AKR7A2: variants seen among roughly 807,000 people sequenced by gnomAD.
AKR7A2 encodes the protein aflatoxin B1 aldehyde reductase member 2.
Under a neutral mutation model 37.3 loss-of-function variants are expected in AKR7A2, and 29 were observed. That is an observed-to-expected ratio of 0.78 (90% CI 0.58 to 1.06). The LOEUF is 1.06. AKR7A2 is among the 50% of genes least tolerant of loss of function. The pLI is 0.00. For missense variants in AKR7A2, 529 were observed against 497.9 expected (o/e 1.06, Z -0.59); for synonymous variants, 228 against 217.8 (o/e 1.05, Z -0.41).
Position 19,311,918 on chromosome 1 carries a change from G to A in AKR7A2, c.207C>T (p.Thr69=), listed in dbSNP as rs778586806. The part of the protein sequence containing the change: ...AVRAFLERGH[T]ELDTAFMYSD... ...TGTACATGAAGGCCGTGTCCAGTTC[G>A]GTGTGGCCGCGCTCCAGAAAGGCGC... The change falls in exon 1 of 7, where the codon ACC becomes ACT. Residue 69 remains threonine, a synonymous_variant. Coordinates refer to ENST00000235835, the MANE Select transcript of AKR7A2 (RefSeq NM_003689.4). The A allele has an allele frequency of 3.7e-6, 6 of 1,609,296 alleles. No individual in the cohort carries two copies. The highest frequency in any genetic ancestry group is 2.7e-5 in the African/African-American group (2 of 74,846).
chr1:19,311,698 G>A, intron 1 of AKR7A2, 129 bp downstream of exon 1: 1 of 1,181,030 alleles, frequency 8.5e-7, no homozygotes, highest in Non-Finnish European at 1.2e-6. Flanking sequence ...CTGCGGGGTG[G>A]ACCTGGGGTG....
At chr1:19,305,882 G>T in intron 6 of AKR7A2, 136 bp downstream of exon 6, 1 of 1,418,386 alleles carries the variant, frequency 7.1e-7, no homozygotes, top group East Asian at 2.3e-5. Flanking sequence ...AAAGACCAGT[G>T]GGAAGAGTGC....
intron 6 of AKR7A2, among the ~76,000 whole-genome samples, chr1:19,305,506 T>C (rs149463571): frequency 1.4e-4 from 22 of 152,278 alleles, no homozygotes; most frequent in Non-Finnish European, 2.5e-4. Context: ...ACCTGGCTAA[T>C]GTTTTTGATT....
downstream of AKR7A2, chr1:19,303,860 A>G (rs576353392): frequency 4.6e-4 from 160 of 348,190 alleles, no homozygotes; most frequent in African/African-American, 3.2e-3. Context: ...TGCTTCTGTG[A>G]CCCTCCTACT....
rs2231203 is a variant in AKR7A2, at chr1:19,307,026, C to G, written c.764G>C (p.Ser255Thr). 6.2e-7 allele frequency: 1 copy of G among 1,614,196 alleles called. No homozygotes were observed. Among genetic ancestry groups the G allele is most frequent in the Non-Finnish European group, 8.5e-7 (1 of 1,180,034 alleles). ...KQPVGRFFGN[S>T]WAETYRNRFW... ...CCGATTCCTGTAGGTCTCAGCCCAG[C>G]TATTCCCAAAGAAGCGGCCCACAGG... is the stretch of plus-strand genomic sequence containing the variant. The change falls in exon 5 of 7, where the codon AGC (serine) becomes ACC (threonine). Residue 255 changes from serine to threonine, a missense_variant. Physicochemically the swap from Ser to Thr is moderately conservative, Grantham distance 58. Coordinates refer to ENST00000235835, the MANE Select transcript of AKR7A2 (RefSeq NM_003689.4).
At position 19,304,066 on chromosome 1, in the gene AKR7A2, TA is replaced by T; in HGVS notation, c.*158del. 1.6e-6 allele frequency: 2 copies of T among 1,227,762 alleles called. No individual in the cohort carries two copies. The highest frequency in any genetic ancestry group is 2.3e-6 in the Non-Finnish European group (2 of 853,580). The allele number at this position is 1,227,762 out of a possible 1,614,324, so 76.1% of individuals were successfully genotyped here. On this transcript the variant is annotated 3_prime_UTR_variant, in exon 7 of 7. Transcript: ENST00000235835. The stretch of plus-strand genomic sequence containing the variant: ...GACTCACCCCCCACCTTTCACAGTG[TA>T]AAGTGAATAGGGAGCAAGGCAGGAA...
In AKR7A2 at chr1:19,307,471, C is replaced by G. The variant is rs914972388; in HGVS notation, c.592-61G>C. 26 of 1,574,440 alleles carry G rather than the reference C, an allele frequency of 1.7e-5. No individual in the cohort carries two copies. The African/African-American group carries it at 3.4e-4, about 20-fold the overall frequency. ...TGTCAAGAGAAGGAACTGTTGCCTT[C>G]CACTTTCAAACCTCTAAAGCAACAC... On this transcript the variant is annotated intron_variant, in intron 3 of 6. Coordinates refer to ENST00000235835, the MANE Select transcript of AKR7A2 (RefSeq NM_003689.4).
chr1:19,307,002 C>G lies in AKR7A2; in HGVS notation c.788G>C (p.Arg263Pro), dbSNP rs145694835. The change falls in exon 5 of 7, where the codon CGC becomes CCC. Residue 263 changes from arginine to proline, a missense_variant and splice_region_variant. By Grantham distance (103) the Arg-to-Pro change is moderately radical (BLOSUM62 -2). Transcript: ENST00000235835. ...GNSWAETYRN[R>P]FWKEHHFEAI... ...CTCACCAAGCCCACCCCCGGCTCAC[C>G]GATTCCTGTAGGTCTCAGCCCAGCT... 23 of 1,613,992 alleles carry G rather than the reference C, an allele frequency of 1.4e-5. No homozygotes were observed. Among genetic ancestry groups the G allele is most frequent in the African/African-American group, 4.0e-5 (3 of 74,916 alleles).
intron 1 of AKR7A2, among the ~76,000 whole-genome samples, chr1:19,310,968 C>T (rs140322824): frequency 1.4e-4 from 21 of 152,350 alleles, no homozygotes; most frequent in Middle Eastern, 3.4e-3. Flanking sequence ...ATCCTCCACT[C>T]AAGCCCCACC....
rs1054020533 is a variant in AKR7A2, at chr1:19,308,260, G to T, written c.489C>A (p.Gly163=). The part of the protein sequence containing the change: ...LHACQRLHQE[G]KFVELGLSNY... ...TGGAGAGGCCAAGCTCCACGAACTTGCCCTGCATGGGTGAGGCTCCAGTCA... is the reference window on the plus strand; with the variant it reads ...TGGAGAGGCCAAGCTCCACGAACTTTCCCTGCATGGGTGAGGCTCCAGTCA... Residue 163 remains glycine, a splice_region_variant and synonymous_variant, in exon 3 of 7, where the codon GGC becomes GGA. Transcript: ENST00000235835. 8 of 1,614,086 alleles carry T rather than the reference G, an allele frequency of 5.0e-6. No homozygotes were observed. The highest frequency in any genetic ancestry group is 1.3e-5 in the African/African-American group (1 of 74,928).
At position 19,308,643 on chromosome 1, in the gene AKR7A2, C is replaced by G; in HGVS notation, c.299-1G>C. ...GGGTTGGCCTTGGTGGCAATTTTCA[C>G]TTGGAGAGAGAATGGAATGGTTAAG... On this transcript the variant is annotated splice_acceptor_variant, in intron 1 of 6. Coordinates refer to ENST00000235835, the MANE Select transcript of AKR7A2 (RefSeq NM_003689.4). LOFTEE classifies it high-confidence loss of function. 1 of 1,614,046 alleles carries G rather than the reference C, an allele frequency of 6.2e-7. No individual in the cohort carries two copies. The highest frequency in any genetic ancestry group is 8.5e-7 in the Non-Finnish European group (1 of 1,179,982).
downstream of AKR7A2, chr1:19,303,916 A>C: frequency 2.4e-6 from 1 of 412,748 alleles, no homozygotes; most frequent in South Asian, 2.1e-5. Context: ...GCCCTTTCTC[A>C]GTCCCCAGGT....
rs371982601 is a variant in AKR7A2 at position 19,307,369 on chromosome 1, G to C, written c.633C>G (p.Leu211=). 1.7e-5 allele frequency: 27 copies of C among 1,614,080 alleles called. No individual in the cohort carries two copies. The highest frequency in any genetic ancestry group is 2.2e-5 in the Non-Finnish European group (26 of 1,179,960). Residue 211 remains leucine (L), a synonymous_variant, in exon 4 of 7, where the codon CTC becomes CTG. Coordinates refer to ENST00000235835, the MANE Select transcript of AKR7A2 (RefSeq NM_003689.4). ...GTCCAAAGTGCCTGAGGCAGGGGAAGAGCTCCGTTTCCACCTGCCGGGTGG... is the reference window on the plus strand; with the variant it reads ...GTCCAAAGTGCCTGAGGCAGGGGAACAGCTCCGTTTCCACCTGCCGGGTGG... ...NATTRQVETE[L]FPCLRHFGLR...
At position 19,308,487 on chromosome 1, in the gene AKR7A2, T is replaced by C. The variant is rs571799954; in HGVS notation, c.454A>G (p.Thr152Ala). The C allele has an allele frequency of 2.4e-5, 39 of 1,613,934 alleles. No individual in the cohort carries two copies. The highest frequency in any genetic ancestry group is 3.1e-5 in the Non-Finnish European group (37 of 1,180,022). Residue 152 changes from threonine to alanine, a missense_variant, in exon 2 of 7, where the codon ACG becomes GCG. Coordinates refer to ENST00000235835, the MANE Select transcript of AKR7A2 (RefSeq NM_003689.4). ...APDHGTPVEE[T>A]LHACQRLHQE... ...TGCAGCCGCTGGCAGGCATGCAGCG[T>C]CTCTTCCACCGGGGTGCCGTGGTCA...
At chr1:19,308,048 C>A (rs1340026814) in intron 3 of AKR7A2, 110 bp downstream of exon 3, 5 of 1,406,536 alleles carry the variant, frequency 3.6e-6, no homozygotes, top group Non-Finnish European at 5.0e-6. Context: ...AGGCTTTCAG[C>A]AGGGGAGTGG....
chr1:19,308,540 T>G lies in AKR7A2; in HGVS notation c.401A>C (p.Gln134Pro). Residue 134 changes from glutamine to proline, a missense_variant, in exon 2 of 7, where the codon CAA (glutamine) becomes CCA (proline). Gln to Pro is a moderately conservative substitution (Grantham distance 76). Transcript: ENST00000235835. The stretch of plus-strand genomic sequence containing the variant: ...TGCGTGTAGGTAGAAGAGGTCCACT[T>G]GGGGACACTGCAGCCTCTTCAATGA... Reference protein sequence around the residue: ...ETSLKRLQCPQVDLFYLHAPD... With the variant: ...ETSLKRLQCPPVDLFYLHAPD... The G allele has an allele frequency of 3.1e-6, 5 of 1,614,110 alleles. No individual in the cohort carries two copies. The highest frequency in any genetic ancestry group is 4.2e-6 in the Non-Finnish European group (5 of 1,180,002).
intron 1 of AKR7A2, among the ~76,000 whole-genome samples, chr1:19,310,359 T>A (rs1029692194): frequency 1.3e-5 from 2 of 151,946 alleles, no homozygotes; most frequent in Admixed American, 1.3e-4. Flanking sequence ...CGGGGAAGGG[T>A]TAGAGAAGAA....
chr1:19,305,675 AAG>A (rs1359656087), intron 6 of AKR7A2, among the ~76,000 whole-genome samples: 1 of 152,238 alleles, frequency 6.6e-6, no homozygotes, highest in African/African-American at 2.4e-5. Context: ...ATGAGGCATC[AAG>A]AGAGAGAAAC....
At chr1:19,311,726 C>G in intron 1 of AKR7A2, 101 bp downstream of exon 1, 1 of 1,474,496 alleles carries the variant, frequency 6.8e-7, no homozygotes. Flanking sequence ...AGGGACGAAT[C>G]CGTCGGTGCT....
Sources: gnomAD v4.1 joint callset for allele counts (sites outside exome capture counted in the v4.1 genomes callset) on GRCh38, gnomAD v4.1.1 for gene constraint, MANE v1.5 for transcripts, NCBI Gene and HGNC (gene_info 2026-07-23, HGNC 2026-07-21) for gene names.